Variants in PKHD1 observed in about 807,000 individuals in gnomAD.
The protein encoded by PKHD1 is fibrocystin.
PKHD1 carries 291 observed loss-of-function variants against 412.0 expected under a neutral mutation model. The ratio of observed to expected loss-of-function variants is 0.71; its 90% CI spans 0.64 to 0.78. The LOEUF (loss-of-function observed/expected upper bound fraction) is 0.78, where lower values mean the gene tolerates loss of function less well. Among genes scored for constraint, PKHD1 ranks in the 30% least tolerant of loss-of-function variants. PKHD1 has a pLI of 0.00. For missense variants in PKHD1, 4,825 were observed against 4,950.7 expected (o/e 0.97, Z 0.76); for synonymous variants, 1,777 against 1,821.5 (o/e 0.98, Z 0.62).
At chr6:51,968,362 A>G (rs779772243) in intron 35 of PKHD1, among the ~76,000 whole-genome samples, 7 of 152,166 alleles carry the variant, frequency 4.6e-5, no homozygotes, top group Non-Finnish European at 8.8e-5. Context: ...AACACTAACA[A>G]ATTAGGTCCT....
rs747128763 is a variant in PKHD1 at position 51,847,805 on chromosome 6, T to A, written c.8077A>T (p.Asn2693Tyr). The A allele has an allele frequency of 6.2e-7, 1 of 1,614,014 alleles. No homozygotes were observed. The highest frequency in any genetic ancestry group is 1.1e-5 in the South Asian group (1 of 91,080). Residue 2693 changes from asparagine (N) to tyrosine (Y), a missense_variant, in exon 50 of 67, where the codon AAT (asparagine) becomes TAT (tyrosine). Transcript: ENST00000371117. ...GQNQGCDWFF[N>Y]SQLRQLTYLV... is the part of the protein sequence containing the mutation. ...TAGGTGAGTTGCCTCAGCTGGCTAT[T>A]GAAGAACCAGTCACAGCCTTGGTTC... is the stretch of plus-strand genomic sequence containing the variant.
chr6:51,899,407 G>C (rs573218046), intron 43 of PKHD1, among the ~76,000 whole-genome samples: 2 of 152,102 alleles, frequency 1.3e-5, no homozygotes, highest in African/African-American at 4.8e-5. Flanking sequence ...CAGAGCCAAA[G>C]ACAAAAACCA....
chr6:51,890,838 G>T (rs1178637497), intron 43 of PKHD1, among the ~76,000 whole-genome samples: 2 of 152,196 alleles, frequency 1.3e-5, no homozygotes, highest in Non-Finnish European at 2.9e-5. Context: ...TGGAATTTCA[G>T]CATTATGGAG....
intron 1 of PKHD1, 21 bp from the exon 2 acceptor site, chr6:52,085,038 CAA>C (rs200738257): frequency 3.8e-6 from 3 of 788,894 alleles, no homozygotes; most frequent in South Asian, 2.9e-5. Context: ...ACAAAAAAAG[CAA>C]AAAAAAATTA....
chr6:51,943,496 C>T lies in PKHD1; in HGVS notation c.5909-9174G>A, dbSNP rs569706481. Among the ~76,000 whole-genome samples, 11 of 151,512 alleles carry T rather than the reference C, an allele frequency of 7.3e-5. 1 individual carries two copies. The highest frequency in any genetic ancestry group is 2.6e-4 in the Admixed American group (4 of 15,194). On this transcript the variant is annotated intron_variant, in intron 36 of 66. Coordinates refer to ENST00000371117, the MANE Select transcript of PKHD1 (RefSeq NM_138694.4). ...AATGCCCTGCTCTTGTTTACACTGCCGGTTTACACTGTTTCTCCAAGCCAT... is the reference window on the plus strand; with the variant it reads ...AATGCCCTGCTCTTGTTTACACTGCTGGTTTACACTGTTTCTCCAAGCCAT...
At chr6:51,794,039 CTT>C (rs1490288786) in intron 52 of PKHD1, among the ~76,000 whole-genome samples, 3 of 134,956 alleles carry the variant, frequency 2.2e-5, no homozygotes, top group African/African-American at 8.0e-5. Flanking sequence ...GCATCTGTTG[CTT>C]TTTGACTTTT....
At chr6:51,676,993 T>C (rs1451168647) in intron 60 of PKHD1, among the ~76,000 whole-genome samples, 1 of 152,106 alleles carries the variant, frequency 6.6e-6, no homozygotes, top group Non-Finnish European at 1.5e-5. Flanking sequence ...CCCTTGCTAA[T>C]CTGGAGTCTA....
chr6:51,831,603 A>G lies in PKHD1; in HGVS notation c.8174-614T>C, dbSNP rs577148555. Reference sequence around the variant, plus strand: ...TAACTGTCTCTATGCAAATTTCTCAATAACCCTGATTATCTTCTTCAAATA... The same window carrying G: ...TAACTGTCTCTATGCAAATTTCTCAGTAACCCTGATTATCTTCTTCAAATA... On this transcript the variant is annotated intron_variant, in intron 51 of 66. Transcript: ENST00000371117. 1.4e-3 allele frequency among the ~76,000 whole-genome samples: 219 copies of G among 152,292 alleles called. 1 individual carries two copies. Among genetic ancestry groups the G allele is most frequent in the African/African-American group, 5.1e-3 (210 of 41,574 alleles).
At position 52,026,006 on chromosome 6, in the gene PKHD1, G is replaced by A. The variant is rs201769990; in HGVS notation, c.3804C>T (p.Ala1268=). The part of the protein sequence containing the change: ...PDAGAPTVPA[A]VEVWAGNRFF... ...ACCTGTTGCCAGCCCAGACCTCCAC[G>A]GCAGCTGGAACAGTGGGAGCGCCCG... Residue 1268 remains alanine (A), a synonymous_variant, in exon 32 of 67, where the codon GCC becomes GCT. Transcript: ENST00000371117. 255 of 1,614,106 alleles carry A rather than the reference G, an allele frequency of 1.6e-4. 1 individual carries two copies. In the East Asian group the frequency reaches 2.7e-3, roughly 17 times the overall value.
intron 61 of PKHD1, among the ~76,000 whole-genome samples, chr6:51,657,684 A>G (rs530767012): frequency 1.8e-4 from 28 of 152,230 alleles, no homozygotes; most frequent in Middle Eastern, 6.8e-3. Flanking sequence ...TCACTTCCTC[A>G]TGATAGAATG....
rs574963733 is a variant in PKHD1 at position 51,950,210 on chromosome 6, GA to G, written c.5908+9659del. Among the ~76,000 whole-genome samples the G allele has an allele frequency of 2.0e-3, 225 of 113,118 alleles. 1 individual carries two copies. The highest frequency in any genetic ancestry group is 4.9e-3 in the African/African-American group (136 of 27,892). The allele number at this position is 113,118 out of a possible 152,430, so 74.2% of individuals were successfully genotyped here. ...ACTGCAGTCAAATGGGCAATATAGA[GA>G]AAAAAAAAAATATATATATATATAT... On this transcript the variant is annotated intron_variant, in intron 36 of 66. Transcript: ENST00000371117.
At chr6:51,703,967 AG>A (rs1200419940) in intron 60 of PKHD1, among the ~76,000 whole-genome samples, 3 of 152,038 alleles carry the variant, frequency 2.0e-5, no homozygotes, top group African/African-American at 7.2e-5. Context: ...CCTCATTTGA[AG>A]GGTAGCTAGT....
At chr6:51,644,695 G>A (rs1023473157) in intron 63 of PKHD1, among the ~76,000 whole-genome samples, 1 of 152,078 alleles carries the variant, frequency 6.6e-6, no homozygotes, top group African/African-American at 2.4e-5. Context: ...ATTTTGTTTT[G>A]TTTTGAGCTG....
At chr6:51,718,482 G>T (rs1401202891) in intron 60 of PKHD1, among the ~76,000 whole-genome samples, 1 of 152,152 alleles carries the variant, frequency 6.6e-6, no homozygotes, top group Non-Finnish European at 1.5e-5. Flanking sequence ...TGTCACTATT[G>T]CGTAGGAGGT....
chr6:51,964,778 C>CA (rs1792563260), intron 35 of PKHD1, among the ~76,000 whole-genome samples: 1 of 151,782 alleles, frequency 6.6e-6, no homozygotes, highest in Non-Finnish European at 1.5e-5. Flanking sequence ...TTTACGAAAC[C>CA]AACTTTATTT....
chr6:51,914,574 A>G (rs940394641), intron 37 of PKHD1, among the ~76,000 whole-genome samples: 1 of 151,952 alleles, frequency 6.6e-6, no homozygotes, highest in African/African-American at 2.4e-5. Flanking sequence ...ATTCCTCCTT[A>G]TGTTCTTTTT....
intron 50 of PKHD1, among the ~76,000 whole-genome samples, chr6:51,846,160 A>G (rs1771106484): frequency 6.6e-6 from 1 of 152,242 alleles, no homozygotes; most frequent in Admixed American, 6.5e-5. Context: ...GGTATAATTC[A>G]GTGCAAATAA....
chr6:52,012,028 G>C (rs1562126876), intron 34 of PKHD1, among the ~76,000 whole-genome samples: 1 of 152,214 alleles, frequency 6.6e-6, no homozygotes, highest in African/African-American at 2.4e-5. Flanking sequence ...TCACCATGGT[G>C]TGTTTGTTCA....
chr6:51,768,139 G>C (rs55662168), intron 55 of PKHD1, among the ~76,000 whole-genome samples: 27,922 of 151,676 alleles, frequency 0.18, 3,369 homozygotes, highest in African/African-American at 0.34. Flanking sequence ...CAGTTCATAT[G>C]CTTCACCTAC....
Sources: gnomAD v4.1 joint callset for allele counts (sites outside exome capture counted in the v4.1 genomes callset) on GRCh38, gnomAD v4.1.1 for gene constraint, MANE v1.5 for transcripts, NCBI Gene and HGNC (gene_info 2026-07-23, HGNC 2026-07-21) for gene names.